EYA1: variants seen among roughly 807,000 people sequenced by gnomAD.
EYA1 encodes protein phosphatase EYA1.
In EYA1, 16 loss-of-function variants were observed where a neutral mutation model predicts 82.0. The ratio of observed to expected loss-of-function variants is 0.20; its 90% CI spans 0.13 to 0.30. The LOEUF is 0.30. EYA1 is among the 10% of genes least tolerant of loss of function. EYA1 has a pLI of 1.00. For missense variants in EYA1, 633 were observed against 730.7 expected (o/e 0.87, Z 1.54); for synonymous variants, 261 against 264.4 (o/e 0.99, Z 0.12).
chr8:71,471,032 A>G (rs886495745), intron 2 of EYA1: 4 of 403,348 alleles, frequency 9.9e-6, no homozygotes, highest in Non-Finnish European at 1.9e-5. Flanking sequence ...TACTTAACTC[A>G]TCTTGAGACA....
chr8:71,488,170 G>T (rs1431610647), intron 2 of EYA1, among the ~76,000 whole-genome samples: 1 of 151,624 alleles, frequency 6.6e-6, no homozygotes, highest in Non-Finnish European at 1.5e-5. Flanking sequence ...ATACATCAAT[G>T]ATATACATCA....
intron 2 of EYA1, among the ~76,000 whole-genome samples, chr8:71,442,112 C>A (rs1334569267): frequency 6.6e-6 from 1 of 152,148 alleles, no homozygotes; most frequent in Non-Finnish European, 1.5e-5. Context: ...TCTAAGAAGA[C>A]TAAGATAATA....
At chr8:71,290,798 G>T (rs1406671797) in intron 9 of EYA1, among the ~76,000 whole-genome samples, 1 of 142,934 alleles carries the variant, frequency 7.0e-6, no homozygotes, top group African/African-American at 2.7e-5. Context: ...TATATCCTCT[G>T]GGAAAAAAGA....
chr8:71,480,157 GT>G (rs1287844459), intron 2 of EYA1, among the ~76,000 whole-genome samples: 1 of 152,140 alleles, frequency 6.6e-6, no homozygotes, highest in Non-Finnish European at 1.5e-5. Flanking sequence ...TATTGTTACA[GT>G]TTCCTTGATT....
chr8:71,319,821 A>G (rs900812284), intron 6 of EYA1, among the ~76,000 whole-genome samples: 2 of 152,180 alleles, frequency 1.3e-5, no homozygotes, highest in Non-Finnish European at 2.9e-5. Context: ...GAAGGATGCC[A>G]TATTTTTCAA....
chr8:71,493,831 G>A (rs1042914716), intron 2 of EYA1, among the ~76,000 whole-genome samples: 30 of 149,548 alleles, frequency 2.0e-4, no homozygotes, highest in Middle Eastern at 3.5e-3. Flanking sequence ...AGACCATCCC[G>A]GCTAAAACGG....
At chr8:71,460,463 T>C (rs1318141331) in intron 2 of EYA1, among the ~76,000 whole-genome samples, 2 of 152,116 alleles carry the variant, frequency 1.3e-5, no homozygotes, top group Non-Finnish European at 2.9e-5. Flanking sequence ...GGCAAGCTTC[T>C]TACAAGGGCC....
chr8:71,256,211 T>C (rs187863000), intron 11 of EYA1, among the ~76,000 whole-genome samples: 5 of 152,282 alleles, frequency 3.3e-5, no homozygotes, highest in African/African-American at 1.2e-4. Context: ...CTTCTGATTA[T>C]ATACCCAAAA....
Position 71,354,875 on chromosome 8 carries a change from T to C in EYA1, c.31A>G (p.Ser11Gly), listed in dbSNP as rs1826700768. 3 of 1,613,662 alleles carry C rather than the reference T, an allele frequency of 1.9e-6. No homozygotes were observed. Among genetic ancestry groups the C allele is most frequent in the Non-Finnish European group, 2.5e-6 (3 of 1,179,642 alleles). Reference sequence around the variant, plus strand: ...GATTCACTACTACCACTCAGACGGCTATGCGGGCTGGTTAGATCCTGCATT... The same window carrying C: ...GATTCACTACTACCACTCAGACGGCCATGCGGGCTGGTTAGATCCTGCATT... MEMQDLTSPH[S>G]RLSGSSESPS... The change falls in exon 3 of 18, where the codon AGC (serine) becomes GGC (glycine). Residue 11 changes from serine (S) to glycine (G), a missense_variant. Transcript: ENST00000340726.
chr8:71,274,883 A>T (rs1376757557), intron 9 of EYA1, among the ~76,000 whole-genome samples: 1 of 151,984 alleles, frequency 6.6e-6, no homozygotes, highest in East Asian at 1.9e-4. Context: ...AGAGAGAGTG[A>T]GCGAGCGAGA....
intron 2 of EYA1, among the ~76,000 whole-genome samples, chr8:71,355,820 A>G (rs1826812534): frequency 6.6e-6 from 1 of 152,232 alleles, no homozygotes; most frequent in African/African-American, 2.4e-5. Flanking sequence ...ACAATTTCAG[A>G]ACTATACATT....
Position 71,211,208 on chromosome 8 carries a change from A to ACTT in EYA1, c.1643_1645dup (p.Lys548_Val549insGlu). Reference sequence around the variant, plus strand: ...ACCATCTCCTATAACAACATACACCACTTTTCTTCCAAACCTTTGAATTAT... The same window carrying ACTT: ...ACCATCTCCTATAACAACATACACCACTTCTTTTCTTCCAAACCTTTGAATTAT... On this transcript the variant is annotated inframe_insertion, in exon 17 of 18. Coordinates refer to ENST00000340726, the MANE Select transcript of EYA1 (RefSeq NM_000503.6). 1.2e-6 allele frequency: 2 copies of ACTT among 1,613,608 alleles called. No individual in the cohort carries two copies. The highest frequency in any genetic ancestry group is 1.7e-6 in the Non-Finnish European group (2 of 1,179,660).
At chr8:71,377,263 A>G (rs1273483755) in intron 2 of EYA1, among the ~76,000 whole-genome samples, 2 of 152,204 alleles carry the variant, frequency 1.3e-5, no homozygotes, top group Non-Finnish European at 2.9e-5. Context: ...GTCGCAGCCT[A>G]CCAGCCATCC....
At chr8:71,490,852 T>C (rs1358997487) in intron 2 of EYA1, among the ~76,000 whole-genome samples, 1 of 152,170 alleles carries the variant, frequency 6.6e-6, no homozygotes, top group Non-Finnish European at 1.5e-5. Flanking sequence ...GAGGAACTGA[T>C]TCAAATGCTA....
chr8:71,484,166 G>A (rs978417987), intron 2 of EYA1, among the ~76,000 whole-genome samples: 2 of 152,186 alleles, frequency 1.3e-5, no homozygotes, highest in Non-Finnish European at 2.9e-5. Context: ...CCCTGCAGGG[G>A]AAAGGGAAAA....
upstream of EYA1, among the ~76,000 whole-genome samples, chr8:71,364,708 C>T (rs1256891265): frequency 6.6e-6 from 1 of 151,438 alleles, no homozygotes; most frequent in African/African-American, 2.4e-5. Context: ...ATAAAAAATA[C>T]ATAATTTTAT....
At chr8:71,544,317 A>G (rs544452037) in intron 1 of EYA1, among the ~76,000 whole-genome samples, 1 of 152,206 alleles carries the variant, frequency 6.6e-6, no homozygotes. Flanking sequence ...TCAAATTTCT[A>G]TCTAGGGCAG....
intron 11 of EYA1, among the ~76,000 whole-genome samples, chr8:71,264,475 A>G (rs183203395): frequency 2.0e-5 from 3 of 152,276 alleles, no homozygotes; most frequent in East Asian, 1.9e-4. Flanking sequence ...TACTCTAGAG[A>G]GCAACTACAA....
At position 71,368,114 on chromosome 8, in the gene EYA1, T is replaced by A. The variant is rs557699266; in HGVS notation, c.34-11603A>T. 1.8e-4 allele frequency among the ~76,000 whole-genome samples: 28 copies of A among 152,286 alleles called. No homozygotes were observed. In the South Asian group the frequency reaches 5.8e-3, roughly 32 times the overall value. On this transcript the variant is annotated intron_variant, in intron 2 of 18. Transcript: ENST00000643681. Reference sequence around the variant, plus strand: ...TGTTTTAATAGTATCAATGATCTGGTTTACCTGAAATACAGAGTAAAGCAA... The same window carrying A: ...TGTTTTAATAGTATCAATGATCTGGATTACCTGAAATACAGAGTAAAGCAA...
Sources: allele counts gnomAD v4.1 joint callset (sites outside exome capture counted in the v4.1 genomes callset), GRCh38; gene constraint gnomAD v4.1.1; transcripts MANE v1.5; gene names NCBI Gene and HGNC (gene_info 2026-07-23, HGNC 2026-07-21).